The following ANP32A variants were observed in gnomAD, a reference collection of about 807,000 sequenced individuals.
ANP32A encodes acidic leucine-rich nuclear phosphoprotein 32 family member A.
A neutral mutation model predicts 33.9 loss-of-function variants in ANP32A; 1 was observed. The ratio of observed to expected loss-of-function variants is 0.03; its 90% CI spans 0.01 to 0.14. ANP32A has a LOEUF of 0.14. Among genes scored for constraint, ANP32A ranks in the 10% least tolerant of loss-of-function variants. ANP32A has a pLI of 1.00. For synonymous variants in ANP32A, 115 were observed against 120.5 expected (o/e 0.95, Z 0.30); for missense variants, 155 against 306.0 (o/e 0.51, Z 3.68).
intron 1 of ANP32A, chr15:68,817,282 G>A (rs772808368): frequency 2.6e-5 from 4 of 152,264 alleles, no homozygotes; most frequent in Non-Finnish European, 1.5e-5. Flanking sequence ...CCTTCTCCCA[G>A]GCAAAAATAA....
intron 1 of ANP32A, 26 bp downstream of exon 1, chr15:68,820,672 C>T: frequency 6.7e-7 from 1 of 1,499,536 alleles, no homozygotes; most frequent in South Asian, 1.1e-5. Context: ...AATGGACCGA[C>T]AGAGATATTT....
At chr15:68,816,568 A>G (rs766342789) in intron 1 of ANP32A, among the ~76,000 whole-genome samples, 2 of 152,212 alleles carry the variant, frequency 1.3e-5, no homozygotes, top group Non-Finnish European at 2.9e-5. Context: ...AAGCACCCTG[A>G]TATGTCTCCG....
intron 5 of ANP32A, among the ~76,000 whole-genome samples, chr15:68,782,117 T>A (rs1018392643): frequency 6.6e-6 from 1 of 152,178 alleles, no homozygotes; most frequent in Non-Finnish European, 1.5e-5. Flanking sequence ...ACTTTTGCAA[T>A]TAGCAAGAGT....
At chr15:68,788,850 A>G (rs1206171259) in intron 1 of ANP32A, among the ~76,000 whole-genome samples, 1 of 152,056 alleles carries the variant, frequency 6.6e-6, no homozygotes, top group African/African-American at 2.4e-5. Flanking sequence ...TCCCTTACCC[A>G]CAATTTGGGT....
At chr15:68,811,798 G>A (rs1320798788) in intron 1 of ANP32A, among the ~76,000 whole-genome samples, 1 of 152,118 alleles carries the variant, frequency 6.6e-6, no homozygotes, top group African/African-American at 2.4e-5. Flanking sequence ...GCAGTGGCAC[G>A]ATATCGGCTC....
intron 1 of ANP32A, among the ~76,000 whole-genome samples, chr15:68,805,052 G>A (rs1205328090): frequency 6.6e-6 from 1 of 152,152 alleles, no homozygotes; most frequent in Non-Finnish European, 1.5e-5. Context: ...ATTTAACTGT[G>A]GGCTTCTCTC....
At chr15:68,814,450 G>C (rs1894353651) in intron 1 of ANP32A, among the ~76,000 whole-genome samples, 1 of 151,474 alleles carries the variant, frequency 6.6e-6, no homozygotes, top group Non-Finnish European at 1.5e-5. Flanking sequence ...ACTGCTATGG[G>C]GAAAGAAAAA....
At chr15:68,807,152 GAC>G (rs1452069610) in intron 1 of ANP32A, among the ~76,000 whole-genome samples, 1 of 152,232 alleles carries the variant, frequency 6.6e-6, no homozygotes. Context: ...CACCTAGGTG[GAC>G]ACAGTTTGCT....
intron 1 of ANP32A, among the ~76,000 whole-genome samples, chr15:68,793,798 C>G (rs1221846189): frequency 2.6e-5 from 4 of 152,214 alleles, no homozygotes; most frequent in Admixed American, 2.6e-4. Context: ...AATTCCAAGA[C>G]AGTGACAGCA....
chr15:68,786,191 T>A (rs921426415), intron 3 of ANP32A, among the ~76,000 whole-genome samples: 2 of 149,478 alleles, frequency 1.3e-5, no homozygotes, highest in Non-Finnish European at 3.0e-5. Context: ...TTGGCAAACG[T>A]GGCCAATTGT....
At chr15:68,782,759 C>T in intron 5 of ANP32A, 197 bp downstream of exon 5, 2 of 979,252 alleles carry the variant, frequency 2.0e-6, no homozygotes, top group East Asian at 2.7e-5. Flanking sequence ...CTAATCCAGC[C>T]TCCCCAGAGC....
In ANP32A at chr15:68,780,112, T is replaced by C. The variant is rs1419179146; in HGVS notation, c.719A>G (p.Glu240Gly). ...ATCATCTTCTCCCTCATCTTCAGGTTCTCGTTTTCGCTTCTGACCCCTTTC... is the reference window on the plus strand; with the variant it reads ...ATCATCTTCTCCCTCATCTTCAGGTCCTCGTTTTCGCTTCTGACCCCTTTC... ...EEERGQKRKREPEDEGEDDD is the reference protein window; with the variant it reads ...EEERGQKRKRGPEDEGEDDD Residue 240 changes from glutamate to glycine, a missense_variant, in exon 7 of 7, where the codon GAA (glutamate) becomes GGA (glycine). Glu to Gly is a moderately conservative substitution (Grantham distance 98). Around this residue, in one of 4 missense-constraint regions of ANP32A, gnomAD observed 63 missense variants for 82.8 expected, o/e 0.76. Coordinates refer to ENST00000465139, the MANE Select transcript of ANP32A (RefSeq NM_006305.4). The surrounding 1 kb of genome is among the most constrained non-coding windows in gnomAD (Gnocchi z 4.3). 6.2e-7 allele frequency: 1 copy of C among 1,613,736 alleles called. No homozygotes were observed. Among genetic ancestry groups the C allele is most frequent in the Non-Finnish European group, 8.5e-7 (1 of 1,179,730 alleles).
chr15:68,817,277 T>A (rs571911224), intron 1 of ANP32A: 1 of 152,240 alleles, frequency 6.6e-6, no homozygotes, highest in Non-Finnish European at 1.5e-5. Flanking sequence ...AGCTGCCTTC[T>A]CCCAGGCAAA....
At chr15:68,809,849 G>A (rs1202529461) in intron 1 of ANP32A, among the ~76,000 whole-genome samples, 2 of 152,168 alleles carry the variant, frequency 1.3e-5, no homozygotes, top group East Asian at 1.9e-4. Flanking sequence ...ACAGTGTGGA[G>A]CTCTGAAGAC....
intron 3 of ANP32A, among the ~76,000 whole-genome samples, chr15:68,785,499 C>T (rs559608880): frequency 6.6e-6 from 1 of 152,298 alleles, no homozygotes; most frequent in Non-Finnish European, 1.5e-5. Context: ...GGGAGTGAAA[C>T]CATTGCTCCT....
chr15:68,780,016 G>GA lies in ANP32A; in HGVS notation c.*64_*65insT. ...CAGGGGGCAGGATTGGAGGGGGGGG[G>GA]GAGAGGGGATATGGGTAAAAACAGT... On this transcript the variant is annotated 3_prime_UTR_variant, in exon 7 of 7. Transcript: ENST00000465139. This position sits in a 1 kb window ranked among gnomAD's most constrained non-coding sequence, Gnocchi z 4.3. 6.9e-7 allele frequency: 1 copy of GA among 1,445,142 alleles called. No homozygotes were observed. The highest frequency in any genetic ancestry group is 2.3e-5 in the East Asian group (1 of 43,568). 89.5% of individuals were successfully genotyped at this position (1,445,142 alleles called of 1,614,324 possible).
At chr15:68,806,038 T>C (rs1044798035) in intron 1 of ANP32A, among the ~76,000 whole-genome samples, 4 of 152,200 alleles carry the variant, frequency 2.6e-5, no homozygotes, top group Non-Finnish European at 5.9e-5. Context: ...ATTCCAATCT[T>C]ACACCTTCAT....
Position 68,780,394 on chromosome 15 carries a change from A to C in ANP32A, c.688+16T>G. On this transcript the variant is annotated intron_variant, in intron 6 of 6. Coordinates refer to ENST00000465139, the MANE Select transcript of ANP32A (RefSeq NM_006305.4). This position sits in a 1 kb window ranked among gnomAD's most constrained non-coding sequence, Gnocchi z 4.3. ...GGCCAGGCTGCTACCAGCTGAGAGT[A>C]AAAAGGCTGCCATACCACCAAGCTC... 1 of 1,613,972 alleles carries C rather than the reference A, an allele frequency of 6.2e-7. No homozygotes were observed. Among genetic ancestry groups the C allele is most frequent in the African/African-American group, 1.3e-5 (1 of 75,062 alleles).
intron 1 of ANP32A, among the ~76,000 whole-genome samples, chr15:68,801,074 C>T (rs1256053148): frequency 6.6e-6 from 1 of 152,062 alleles, no homozygotes; most frequent in Non-Finnish European, 1.5e-5. Context: ...CCACAGGGGA[C>T]ATTCCACATG....
Sources: allele counts gnomAD v4.1 joint callset (sites outside exome capture counted in the v4.1 genomes callset), GRCh38; gene constraint gnomAD v4.1.1; regional missense constraint gnomAD v4.1.1; non-coding constraint Gnocchi (gnomAD v3.1); transcripts MANE v1.5; gene names NCBI Gene and HGNC (gene_info 2026-07-23, HGNC 2026-07-21).